Variants in OLFM2 observed in about 807,000 individuals in gnomAD.
OLFM2 encodes the protein noelin-2.
Under a neutral mutation model 43.9 loss-of-function variants are expected in OLFM2, and 20 were observed. The observed-to-expected ratio is 0.46, with a 90% CI of 0.32 to 0.66. The LOEUF is 0.66. Ranked by LOEUF, OLFM2 falls within the 30% of genes least tolerant of loss-of-function variation. The pLI is 0.04. For missense variants in OLFM2, 416 were observed against 643.6 expected (o/e 0.65, Z 3.83); for synonymous variants, 268 against 278.6 (o/e 0.96, Z 0.38).
chr19:9,930,893 T>A (rs1373017329), intron 1 of OLFM2, among the ~76,000 whole-genome samples: 1 of 151,976 alleles, frequency 6.6e-6, no homozygotes, highest in Non-Finnish European at 1.5e-5. Context: ...TTTAAAATGT[T>A]TGCACCCGCG....
intron 1 of OLFM2, among the ~76,000 whole-genome samples, chr19:9,887,979 G>A (rs1033200751): frequency 1.2e-4 from 18 of 151,720 alleles, no homozygotes; most frequent in Admixed American, 7.2e-4. Flanking sequence ...GCTGTGGTGA[G>A]CCATGATCTC....
Position 9,857,568 on chromosome 19 carries a change from CCTTTGT to C in OLFM2, c.361-92_361-87del. The C allele has an allele frequency of 4.5e-6, 7 of 1,564,278 alleles. No individual in the cohort carries two copies. Among genetic ancestry groups the C allele is most frequent in the Non-Finnish European group, 6.1e-6 (7 of 1,143,436 alleles). On this transcript the variant is annotated intron_variant, in intron 3 of 5. Transcript: ENST00000264833. The surrounding 1 kb of genome is among the most constrained non-coding windows in gnomAD (Gnocchi z 5.7). ...TCCAACCTCTGACTCATAACTTCAC[CCTTTGT>C]CTTTGATGCACACCTGGCCCTTGAC...
At position 9,854,712 on chromosome 19, in the gene OLFM2, T is replaced by G; in HGVS notation, c.839A>C (p.Tyr280Ser). 2 of 1,614,208 alleles carry G rather than the reference T, an allele frequency of 1.2e-6. No homozygotes were observed. Among genetic ancestry groups the G allele is most frequent in the Non-Finnish European group, 1.7e-6 (2 of 1,180,034 alleles). Residue 280 changes from tyrosine to serine, a missense_variant, in exon 6 of 6, where the codon TAT (tyrosine) becomes TCT (serine). Coordinates refer to ENST00000264833, the MANE Select transcript of OLFM2 (RefSeq NM_058164.4). The surrounding 1 kb of genome is among the most constrained non-coding windows in gnomAD (Gnocchi z 9.5). Reference sequence around the variant, plus strand: ...CACCACGTTGCTCTGGTACTTGTTATAGAACAGGGAGCCGTTGTACACCAC... The same window carrying G: ...CACCACGTTGCTCTGGTACTTGTTAGAGAACAGGGAGCCGTTGTACACCAC... ...GHVVYNGSLFYNKYQSNVVVK... is the reference protein window; with the variant it reads ...GHVVYNGSLFSNKYQSNVVVK...
intron 1 of OLFM2, among the ~76,000 whole-genome samples, chr19:9,872,061 G>A (rs1482804409): frequency 6.6e-6 from 1 of 152,216 alleles, no homozygotes; most frequent in African/African-American, 2.4e-5. Context: ...ATGGCAGGAG[G>A]GCCGTGATGA....
Position 9,854,636 on chromosome 19 carries a change from C to G in OLFM2, c.915G>C (p.Pro305=), listed in dbSNP as rs978870042. 3.7e-6 allele frequency: 6 copies of G among 1,614,000 alleles called. No individual in the cohort carries two copies. The African/African-American group carries it at 8.0e-5, about 22-fold the overall frequency. Residue 305 remains proline, a synonymous_variant, in exon 6 of 6, where the codon CCG becomes CCC. Coordinates refer to ENST00000264833, the MANE Select transcript of OLFM2 (RefSeq NM_058164.4). The surrounding 1 kb of genome is among the most constrained non-coding windows in gnomAD (Gnocchi z 9.5). ...SRSVLVQRSL[P]GAGYNNTFPY... is the part of the protein sequence containing the mutation. ...GGAAGGTGTTGTTGTAACCGGCGCC[C>G]GGGAGGCTCCTCTGCACCAGCACAG...
intron 1 of OLFM2, among the ~76,000 whole-genome samples, chr19:9,872,228 T>G (rs1303898486): frequency 6.6e-6 from 1 of 152,020 alleles, no homozygotes; most frequent in Non-Finnish European, 1.5e-5. Context: ...AAAGAAGATA[T>G]CAGCCAGGCG....
At chr19:9,896,449 G>A (rs1361081429) in intron 1 of OLFM2, among the ~76,000 whole-genome samples, 1 of 152,150 alleles carries the variant, frequency 6.6e-6, no homozygotes, top group Non-Finnish European at 1.5e-5. Context: ...CCAGGCTGGA[G>A]TGCAGTGGCA....
intron 1 of OLFM2, among the ~76,000 whole-genome samples, chr19:9,901,244 GAAGA>G (rs912767699): frequency 7.1e-6 from 1 of 141,418 alleles, no homozygotes; most frequent in African/African-American, 2.5e-5. Flanking sequence ...AGGAAGGAAA[GAAGA>G]AAGAAAGGGA....
chr19:9,927,432 G>C (rs922925059), intron 1 of OLFM2, among the ~76,000 whole-genome samples: 1 of 152,026 alleles, frequency 6.6e-6, no homozygotes, highest in Non-Finnish European at 1.5e-5. Context: ...ACTTACCCTA[G>C]TTCCCATTTC....
At chr19:9,931,254 C>CT (rs1341483270) in intron 1 of OLFM2, among the ~76,000 whole-genome samples, 1 of 152,132 alleles carries the variant, frequency 6.6e-6, no homozygotes. Flanking sequence ...GGTTTTCTTT[C>CT]TTTCTTTTTT....
intron 1 of OLFM2, among the ~76,000 whole-genome samples, chr19:9,893,152 T>G (rs972748063): frequency 6.9e-6 from 1 of 145,326 alleles, no homozygotes; most frequent in African/African-American, 2.5e-5. Flanking sequence ...ACAAGGCATC[T>G]TTTATTTTTT....
Position 9,893,673 on chromosome 19 carries a change from T to TA in OLFM2, c.64-32880dup, listed in dbSNP as rs538575983. On this transcript the variant is annotated intron_variant, in intron 1 of 5. Transcript: ENST00000264833. Reference sequence around the variant, plus strand: ...CTTCTCACGTGTGGAGCACTTCTCTTAAAGTGTTTGGGGCCTCTTGGGTGA... The same window carrying TA: ...CTTCTCACGTGTGGAGCACTTCTCTTAAAAGTGTTTGGGGCCTCTTGGGTGA... Among the ~76,000 whole-genome samples, 5 of 152,254 alleles carry TA rather than the reference T, an allele frequency of 3.3e-5. No individual in the cohort carries two copies. The South Asian group carries it at 1.0e-3, about 32-fold the overall frequency.
intron 2 of OLFM2, among the ~76,000 whole-genome samples, chr19:9,859,867 C>T (rs1026880860): frequency 4.6e-5 from 7 of 152,154 alleles, no homozygotes; most frequent in Admixed American, 6.5e-5. Context: ...ACAGGCAGGG[C>T]GCAGTGGCTC....
At chr19:9,915,366 C>T (rs760368402) in intron 1 of OLFM2, among the ~76,000 whole-genome samples, 4 of 151,024 alleles carry the variant, frequency 2.6e-5, no homozygotes, top group Non-Finnish European at 5.9e-5. Context: ...AATGAGCCTC[C>T]GGGTTGGATG....
At chr19:9,879,075 A>G (rs1417880619) in intron 1 of OLFM2, among the ~76,000 whole-genome samples, 1 of 152,154 alleles carries the variant, frequency 6.6e-6, no homozygotes, top group East Asian at 1.9e-4. Flanking sequence ...TGACTGGATC[A>G]TGGGGCTAGG....
intron 1 of OLFM2, among the ~76,000 whole-genome samples, chr19:9,916,216 G>A (rs2046875391): frequency 6.6e-6 from 1 of 152,092 alleles, no homozygotes; most frequent in Non-Finnish European, 1.5e-5. Context: ...AGTTAGCCGG[G>A]TATGGTGGTG....
At chr19:9,913,555 C>A in intron 1 of OLFM2, 1 of 1,247,510 alleles carries the variant, frequency 8.0e-7, no homozygotes, top group South Asian at 2.4e-5. Context: ...TCTGCGACAT[C>A]CAGTTGGTGA....
At chr19:9,861,795 G>A (rs1297040675) in intron 1 of OLFM2, among the ~76,000 whole-genome samples, 2 of 152,160 alleles carry the variant, frequency 1.3e-5, no homozygotes, top group Non-Finnish European at 2.9e-5. Flanking sequence ...GAGGCAGGTG[G>A]ATCACCTGAG....
At chr19:9,866,430 T>C (rs2046402595) in intron 1 of OLFM2, among the ~76,000 whole-genome samples, 1 of 151,166 alleles carries the variant, frequency 6.6e-6, no homozygotes. Flanking sequence ...TTCTCCAGCA[T>C]AGAAGTCTGT....
Sources: allele counts gnomAD v4.1 joint callset (sites outside exome capture counted in the v4.1 genomes callset), GRCh38; gene constraint gnomAD v4.1.1; non-coding constraint Gnocchi (gnomAD v3.1); transcripts MANE v1.5; gene names NCBI Gene and HGNC (gene_info 2026-07-23, HGNC 2026-07-21).